Variants in YAP1 observed in about 807,000 individuals in gnomAD.
YAP1 encodes Yes1 associated transcriptional regulator, also known as transcriptional coactivator YAP1.
A neutral mutation model predicts 56.9 loss-of-function variants in YAP1; 5 were observed. The ratio of observed to expected loss-of-function variants is 0.09; its 90% CI spans 0.05 to 0.18. The LOEUF (loss-of-function observed/expected upper bound fraction) is 0.18. YAP1 is among the 10% of genes least tolerant of loss of function. YAP1 has a pLI of 1.00. For synonymous variants in YAP1, 265 were observed against 248.1 expected (o/e 1.07, Z -0.64); for missense variants, 539 against 651.8 (o/e 0.83, Z 1.88).
rs532904853 is a variant in YAP1, at chr11:102,131,314, A to AC, written c.572+16922dup. 1.6e-4 allele frequency among the ~76,000 whole-genome samples: 24 copies of AC among 152,256 alleles called. No individual in the cohort carries two copies. The East Asian group carries it at 2.3e-3, about 15-fold the overall frequency. ...CTTTTGATCTCTTGATTTTATAAAC[A>AC]CCTATGTAGTGGTTTTATGTAGCAG... On this transcript the variant is annotated intron_variant, in intron 2 of 8. Transcript: ENST00000282441.
intron 2 of YAP1, among the ~76,000 whole-genome samples, chr11:102,117,200 G>A (rs1432610465): frequency 6.6e-6 from 1 of 151,988 alleles, no homozygotes; most frequent in Admixed American, 6.6e-5. Context: ...TTTTATCCTA[G>A]TTTTGATGTT....
intron 2 of YAP1, among the ~76,000 whole-genome samples, chr11:102,129,870 T>A (rs964135262): frequency 8.2e-5 from 12 of 145,730 alleles, no homozygotes; most frequent in African/African-American, 3.0e-4. Flanking sequence ...TGGCACTATC[T>A]CAGCTCACTG....
chr11:102,203,607 G>A lies in YAP1; in HGVS notation c.803-2286G>A, dbSNP rs150541148. On this transcript the variant is annotated intron_variant, in intron 4 of 8. Transcript: ENST00000282441. ...ATGTATTAACAATTGGGAAGAAAGC[G>A]AGTGATGAGTACACAAGGATTCATT... Among the ~76,000 whole-genome samples, 294 of 152,278 alleles carry A rather than the reference G, an allele frequency of 1.9e-3. 1 individual carries two copies. The highest frequency in any genetic ancestry group is 6.4e-3 in the African/African-American group (265 of 41,552).
At chr11:102,130,727 T>TTTC (rs1396792204) in intron 2 of YAP1, among the ~76,000 whole-genome samples, 1 of 136,876 alleles carries the variant, frequency 7.3e-6, no homozygotes, top group African/African-American at 3.5e-5. Context: ...ACTCTTTTTT[T>TTTC]TTTTTTTTTT....
intron 2 of YAP1, among the ~76,000 whole-genome samples, chr11:102,127,803 C>G (rs1006982994): frequency 3.3e-5 from 5 of 152,270 alleles, no homozygotes; most frequent in African/African-American, 9.6e-5. Context: ...GAGGCTGTAC[C>G]CTGTAAAACC....
At chr11:102,145,249 C>A (rs1391971458) in intron 2 of YAP1, among the ~76,000 whole-genome samples, 1 of 152,162 alleles carries the variant, frequency 6.6e-6, no homozygotes, top group Non-Finnish European at 1.5e-5. Context: ...GATTGGAGTT[C>A]AGCTCAGTGT....
chr11:102,157,706 T>G (rs896560932), intron 2 of YAP1, among the ~76,000 whole-genome samples: 2 of 152,218 alleles, frequency 1.3e-5, no homozygotes, highest in Non-Finnish European at 2.9e-5. Flanking sequence ...TCACTTTTCT[T>G]CAGGGAAGTG....
intron 2 of YAP1, among the ~76,000 whole-genome samples, chr11:102,127,875 C>CA (rs928738116): frequency 5.3e-5 from 8 of 152,278 alleles, no homozygotes; most frequent in African/African-American, 1.9e-4. Flanking sequence ...GACCTGGAGT[C>CA]ACAGGAGATC....
chr11:102,138,547 A>C (rs954483090), intron 2 of YAP1, among the ~76,000 whole-genome samples: 17 of 152,218 alleles, frequency 1.1e-4, no homozygotes, highest in Admixed American at 6.5e-4. Context: ...CACTTCTACC[A>C]CATTCTGTTG....
In YAP1 at chr11:102,147,531, C is replaced by T. The variant is rs115802898; in HGVS notation, c.573-14925C>T. Among the ~76,000 whole-genome samples the T allele has an allele frequency of 6.3e-3, 956 of 152,226 alleles. 14 individuals are homozygous for T. The highest frequency in any genetic ancestry group is 0.022 in the African/African-American group (926 of 41,544). On this transcript the variant is annotated intron_variant, in intron 2 of 8. Transcript: ENST00000282441. The stretch of plus-strand genomic sequence containing the variant: ...GCACCTTTTATGCTTAAGGCAGGTG[C>T]GCATTATCCCTATTTACAGATGAGG...
At chr11:102,185,729 T>C (rs1947910837) in intron 3 of YAP1, among the ~76,000 whole-genome samples, 1 of 152,178 alleles carries the variant, frequency 6.6e-6, no homozygotes, top group South Asian at 2.1e-4. Flanking sequence ...ATGTTAACAG[T>C]AATAGTAATT....
rs1591237464 is a variant in YAP1, at chr11:102,149,980, T to C, written c.573-12476T>C. On this transcript the variant is annotated intron_variant, in intron 2 of 8. Transcript: ENST00000282441. ...AAAAGAGATTTTGAGTAGTGTGCTT[T>C]TTTTTTTTTTTTTTTTTTTTTTTTG... Among the ~76,000 whole-genome samples, 18 of 50,602 alleles carry C rather than the reference T, an allele frequency of 3.6e-4. 1 individual carries two copies. The East Asian group carries it at 9.2e-3, about 26-fold the overall frequency. 33.2% of individuals were successfully genotyped at this position (50,602 alleles called of 152,430 possible).
chr11:102,166,180 G>A (rs74387405), intron 3 of YAP1, among the ~76,000 whole-genome samples: 3,100 of 152,264 alleles, frequency 0.02, 101 homozygotes, highest in African/African-American at 0.07. Flanking sequence ...TGAATTCCCA[G>A]AATCAGACAA....
At chr11:102,123,708 C>T (rs1234787718) in intron 2 of YAP1, among the ~76,000 whole-genome samples, 5 of 146,824 alleles carry the variant, frequency 3.4e-5, no homozygotes, top group African/African-American at 5.1e-5. Context: ...GGCTCGATCT[C>T]GTCTCACTGC....
intron 2 of YAP1, among the ~76,000 whole-genome samples, chr11:102,117,126 A>G (rs566070746): frequency 6.6e-6 from 1 of 152,274 alleles, no homozygotes; most frequent in South Asian, 2.1e-4. Flanking sequence ...TAATATCCTA[A>G]CCATTAGTCA....
At chr11:102,124,044 C>T (rs11225139) in intron 2 of YAP1, among the ~76,000 whole-genome samples, 72,889 of 150,974 alleles carry the variant, frequency 0.48, 20,126 homozygotes, top group South Asian at 0.69. Flanking sequence ...CTCTGGCTCC[C>T]GGGTTCAAGC....
intron 4 of YAP1, among the ~76,000 whole-genome samples, chr11:102,200,754 T>G (rs2135572245): frequency 6.6e-6 from 1 of 152,236 alleles, no homozygotes; most frequent in South Asian, 2.1e-4. Flanking sequence ...TAAGAATAAG[T>G]TCTTATGAAA....
chr11:102,131,476 A>G (rs908224759), intron 2 of YAP1, among the ~76,000 whole-genome samples: 2 of 152,138 alleles, frequency 1.3e-5, no homozygotes, highest in African/African-American at 4.8e-5. Flanking sequence ...GTCCCTCACG[A>G]TTGAGGCTAT....
chr11:102,217,047 C>T (rs990968296), intron 6 of YAP1, among the ~76,000 whole-genome samples: 6 of 152,150 alleles, frequency 3.9e-5, no homozygotes, highest in African/African-American at 1.4e-4. Context: ...CCAGTTTGTT[C>T]TGGAGGAAAC....
Sources: gnomAD v4.1 joint callset for allele counts (sites outside exome capture counted in the v4.1 genomes callset) on GRCh38, gnomAD v4.1.1 for gene constraint, MANE v1.5 for transcripts, NCBI Gene and HGNC (gene_info 2026-07-23, HGNC 2026-07-21) for gene names.